GAREM1: variants seen among roughly 807,000 people sequenced by gnomAD.
GAREM1 encodes the protein GRB2 associated regulator of MAPK1 subtype 1.
In GAREM1, 26 loss-of-function variants were observed where a neutral mutation model predicts 71.3. That is an observed-to-expected ratio of 0.36 (90% CI 0.27 to 0.51). The LOEUF (loss-of-function observed/expected upper bound fraction) is 0.51, where lower values mean the gene tolerates loss of function less well. GAREM1 is among the 20% of genes least tolerant of loss of function. The pLI is 0.95. For synonymous variants in GAREM1, 440 were observed against 433.2 expected (o/e 1.02, Z -0.20); for missense variants, 1,026 against 1,103.1 (o/e 0.93, Z 0.99).
chr18:32,305,732 C>T (rs2047247459), intron 3 of GAREM1, among the ~76,000 whole-genome samples: 1 of 152,156 alleles, frequency 6.6e-6, no homozygotes, highest in Non-Finnish European at 1.5e-5. Flanking sequence ...ATTGGCCAGG[C>T]AGGTCTCGAA....
Position 32,348,735 on chromosome 18 carries a change from TA to T in GAREM1, c.263-38413del, listed in dbSNP as rs935634063. 2.0e-5 allele frequency among the ~76,000 whole-genome samples: 3 copies of T among 152,064 alleles called. No individual in the cohort carries two copies. The East Asian group carries it at 5.8e-4, about 29-fold the overall frequency. On this transcript the variant is annotated intron_variant, in intron 2 of 5. Transcript: ENST00000269209. ...GAATGAGACTCCATCTCTAAATAAA[TA>T]AATAAATCAAGAAAATTCCCCCTTT...
At chr18:32,451,217 A>G (rs915220758) in intron 1 of GAREM1, among the ~76,000 whole-genome samples, 5 of 152,136 alleles carry the variant, frequency 3.3e-5, no homozygotes, top group African/African-American at 7.2e-5. Context: ...GGGATCCTCA[A>G]TGAGGATGAT....
intron 2 of GAREM1, among the ~76,000 whole-genome samples, chr18:32,386,353 C>T (rs1412517853): frequency 6.6e-6 from 1 of 152,222 alleles, no homozygotes; most frequent in Non-Finnish European, 1.5e-5. Flanking sequence ...ACATCCTACA[C>T]TTTTAAAAAC....
chr18:32,295,915 T>C (rs1316435008), intron 3 of GAREM1, among the ~76,000 whole-genome samples: 2 of 152,196 alleles, frequency 1.3e-5, no homozygotes, highest in Non-Finnish European at 2.9e-5. Context: ...ACATAGATGC[T>C]AGGCATCTAA....
At chr18:32,465,471 C>T (rs1056641978) in intron 1 of GAREM1, among the ~76,000 whole-genome samples, 3 of 152,088 alleles carry the variant, frequency 2.0e-5, no homozygotes, top group South Asian at 2.1e-4. Flanking sequence ...TTCCCACAGT[C>T]CCAACACATC....
At chr18:32,280,818 C>T (rs1396249829) in intron 4 of GAREM1, among the ~76,000 whole-genome samples, 1 of 152,076 alleles carries the variant, frequency 6.6e-6, no homozygotes, top group Non-Finnish European at 1.5e-5. Flanking sequence ...GCTGACTGAC[C>T]CCCGTGGTAG....
chr18:32,440,885 CAT>C (rs2048729608), intron 1 of GAREM1, among the ~76,000 whole-genome samples: 1 of 152,182 alleles, frequency 6.6e-6, no homozygotes, highest in Non-Finnish European at 1.5e-5. Context: ...GTTTATTTCA[CAT>C]ATACATTTTT....
chr18:32,273,349 T>C (rs1180536192), intron 4 of GAREM1, among the ~76,000 whole-genome samples: 2 of 152,232 alleles, frequency 1.3e-5, no homozygotes, highest in Non-Finnish European at 2.9e-5. Context: ...TAATTTACAA[T>C]AGTTGGCTGA....
At chr18:32,361,773 C>G (rs1031961469) in intron 2 of GAREM1, among the ~76,000 whole-genome samples, 3 of 152,284 alleles carry the variant, frequency 2.0e-5, no homozygotes, top group Non-Finnish European at 4.4e-5. Context: ...GTTTACCTTA[C>G]ATTAAATCAA....
intron 1 of GAREM1, among the ~76,000 whole-genome samples, chr18:32,433,600 A>T (rs2048645457): frequency 6.6e-6 from 1 of 152,110 alleles, no homozygotes; most frequent in Admixed American, 6.6e-5. Context: ...CTAATAAGTA[A>T]AATTAGCAAA....
chr18:32,285,738 C>T (rs1489394673), intron 4 of GAREM1, among the ~76,000 whole-genome samples: 3 of 152,168 alleles, frequency 2.0e-5, no homozygotes, highest in Non-Finnish European at 2.9e-5. Flanking sequence ...ACAGTCATTG[C>T]TTTTCATCTG....
Position 32,287,839 on chromosome 18 carries a change from C to T in GAREM1, c.758G>A (p.Ser253Asn), listed in dbSNP as rs773295017. Residue 253 changes from serine to asparagine, a missense_variant, in exon 4 of 6, where the codon AGC becomes AAC. Physicochemically the swap from Ser to Asn is conservative, Grantham distance 46. Coordinates refer to ENST00000269209, the MANE Select transcript of GAREM1 (RefSeq NM_001242409.2). The surrounding 1 kb of genome is among the most constrained non-coding windows in gnomAD (Gnocchi z 5.9). Reference sequence around the variant, plus strand: ...GTCGTATGGGTTTCTCGGTGGAGGGCTTGGCACAGTCACATTCACAGGAAG... The same window carrying T: ...GTCGTATGGGTTTCTCGGTGGAGGGTTTGGCACAGTCACATTCACAGGAAG... ...TRLPVNVTVP[S>N]PPPRNPYDLH... is the part of the protein sequence containing the mutation. 1.1e-4 allele frequency: 179 copies of T among 1,613,654 alleles called. No individual in the cohort carries two copies. Among genetic ancestry groups the T allele is most frequent in the Non-Finnish European group, 1.5e-4 (177 of 1,179,974 alleles).
At chr18:32,467,123 A>T (rs2049007233) in intron 1 of GAREM1, among the ~76,000 whole-genome samples, 1 of 152,104 alleles carries the variant, frequency 6.6e-6, no homozygotes, top group Non-Finnish European at 1.5e-5. Flanking sequence ...CAACAGACAC[A>T]TCTACGTTAC....
intron 2 of GAREM1, among the ~76,000 whole-genome samples, chr18:32,352,207 A>G (rs534754444): frequency 5.3e-5 from 8 of 152,316 alleles, no homozygotes; most frequent in East Asian, 1.9e-4. Flanking sequence ...CAAAATTTTA[A>G]TATTTTCCCA....
chr18:32,415,354 C>T (rs1211028877), intron 1 of GAREM1, among the ~76,000 whole-genome samples: 2 of 151,998 alleles, frequency 1.3e-5, no homozygotes, highest in African/African-American at 2.4e-5. Flanking sequence ...CAAACTCATT[C>T]TACAAGGTCA....
chr18:32,369,365 A>C (rs189227160), intron 2 of GAREM1, among the ~76,000 whole-genome samples: 1 of 152,008 alleles, frequency 6.6e-6, no homozygotes, highest in Admixed American at 6.5e-5. Flanking sequence ...CCAATCTGAA[A>C]CTCTTTCCTT....
rs2041394886 is a variant in GAREM1, at chr18:32,267,811, C to CCA, written c.*58_*59dup. ...CAAAAACATGAAATTGTGTCCCAGC[C>CCA]CACCCCTTCTAGCACACGCATTGAT... On this transcript the variant is annotated 3_prime_UTR_variant, in exon 6 of 6. Transcript: ENST00000269209. 4.4e-5 allele frequency: 60 copies of CCA among 1,375,852 alleles called. No homozygotes were observed. Among genetic ancestry groups the CCA allele is most frequent in the Non-Finnish European group, 5.8e-5 (58 of 998,498 alleles). The allele number at this position is 1,375,852 out of a possible 1,614,324, so 85.2% of individuals were successfully genotyped here. A position where few individuals can be genotyped will look rare whatever the true frequency, so the allele number is the denominator to read the frequency against.
chr18:32,285,800 T>G (rs997282773), intron 4 of GAREM1, among the ~76,000 whole-genome samples: 9 of 152,236 alleles, frequency 5.9e-5, no homozygotes, highest in African/African-American at 2.2e-4. Flanking sequence ...CCAGGTTTTC[T>G]TGATGATTGT....
chr18:32,429,408 A>G (rs569568850), intron 1 of GAREM1, among the ~76,000 whole-genome samples: 1 of 152,366 alleles, frequency 6.6e-6, no homozygotes, highest in East Asian at 1.9e-4. Context: ...GAACAACTTC[A>G]GCATTCTGGG....
Sources: gnomAD v4.1 joint callset for allele counts (sites outside exome capture counted in the v4.1 genomes callset) on GRCh38, gnomAD v4.1.1 for gene constraint, Gnocchi (gnomAD v3.1) non-coding constraint, MANE v1.5 for transcripts, NCBI Gene and HGNC (gene_info 2026-07-23, HGNC 2026-07-21) for gene names.